Variants in WDR27 observed in about 807,000 individuals in gnomAD.
The protein encoded by WDR27 is WD repeat-containing protein 27.
Under a neutral mutation model 114.4 loss-of-function variants are expected in WDR27, and 100 were observed. The observed-to-expected ratio is 0.87, with a 90% CI of 0.74 to 1.03. The LOEUF (loss-of-function observed/expected upper bound fraction) is 1.03. WDR27 is among the 50% of genes least tolerant of loss of function. The pLI is 0.00. For missense variants in WDR27, 1,129 were observed against 1,092.9 expected (o/e 1.03, Z -0.47); for synonymous variants, 449 against 423.1 (o/e 1.06, Z -0.75).
rs537545889 is a variant in WDR27, at chr6:169,490,748, A to T, written c.2646-33114T>A. Among the ~76,000 whole-genome samples, 144 of 152,342 alleles carry T rather than the reference A, an allele frequency of 9.5e-4. 2 individuals are homozygous for T. The South Asian group carries it at 0.027, about 29-fold the overall frequency. On this transcript the variant is annotated intron_variant, in intron 25 of 25. Coordinates refer to ENST00000448612, the MANE Select transcript of WDR27 (RefSeq NM_182552.5). ...AGCCTCCAGTTCAAACAGGCAGAGA[A>T]TGAAAGACAGTGTACTTCACATAAT...
rs1816815816 is a variant in WDR27, at chr6:169,633,086, G to C, written c.2102-18C>G. On this transcript the variant is annotated intron_variant, in intron 20 of 25. Coordinates refer to ENST00000448612, the MANE Select transcript of WDR27 (RefSeq NM_182552.5). ...TACGATGTCTGCGATAATCCAGTTA[G>C]GGAGCTCTTCTCAACACTCTTACCC... is the stretch of plus-strand genomic sequence containing the variant. 1 of 1,571,692 alleles carries C rather than the reference G, an allele frequency of 6.4e-7. No homozygotes were observed. The highest frequency in any genetic ancestry group is 8.7e-7 in the Non-Finnish European group (1 of 1,148,022).
At chr6:169,627,873 ATCGAATGTCC>A (rs1427194578) in intron 21 of WDR27, among the ~76,000 whole-genome samples, 1 of 152,156 alleles carries the variant, frequency 6.6e-6, no homozygotes, top group Non-Finnish European at 1.5e-5. Flanking sequence ...GTCCTCATCC[ATCGAATGTCC>A]TCGCTGAGCC....
intron 23 of WDR27, among the ~76,000 whole-genome samples, chr6:169,592,998 C>T (rs1235441492): frequency 6.6e-5 from 10 of 152,286 alleles, no homozygotes; most frequent in African/African-American, 2.4e-4. Flanking sequence ...TTGCATTCTA[C>T]GCATAAACCC....
At chr6:169,629,941 A>G (rs926305756) in intron 21 of WDR27, among the ~76,000 whole-genome samples, 1 of 151,752 alleles carries the variant, frequency 6.6e-6, no homozygotes, top group Non-Finnish European at 1.5e-5. Context: ...AAAAAAAAAA[A>G]AAAAAAAAGT....
the WDR27 span, among the ~76,000 whole-genome samples, chr6:169,435,076 GCATAGCTTAGGCCATGACTT>G: frequency 6.6e-6 from 1 of 152,212 alleles, no homozygotes; most frequent in African/African-American, 2.4e-5. Context: ...AGGGTCCAAG[GCATAGCTTAGGCCATGACTT>G]CAGAGGGTGC....
chr6:169,480,424 C>T (rs888990459), intron 25 of WDR27, among the ~76,000 whole-genome samples: 3 of 152,246 alleles, frequency 2.0e-5, no homozygotes, highest in Non-Finnish European at 4.4e-5. Flanking sequence ...GTTAGGTATG[C>T]AGGCGTGCAG....
chr6:169,541,119 T>A, intron 25 of WDR27, among the ~76,000 whole-genome samples: 1 of 145,930 alleles, frequency 6.9e-6, no homozygotes, highest in Non-Finnish European at 1.5e-5. Context: ...TAAGGACCAT[T>A]AAGGAAAGGC....
At chr6:169,655,202 C>T (rs1222291172) in intron 13 of WDR27, among the ~76,000 whole-genome samples, 6 of 152,252 alleles carry the variant, frequency 3.9e-5, no homozygotes, top group Admixed American at 3.9e-4. Context: ...CAGCGACATG[C>T]AGCCATGGCA....
intron 5 of WDR27, 76 bp from the exon 6 acceptor site, chr6:169,667,263 AT>A: frequency 2.2e-6 from 3 of 1,360,606 alleles, no homozygotes; most frequent in Non-Finnish European, 2.8e-6. Flanking sequence ...TAACAGTACT[AT>A]TCACTATCAG....
At position 169,683,172 on chromosome 6, in the gene WDR27, C is replaced by T. The variant is rs559858583; in HGVS notation, c.189+5645G>A. On this transcript the variant is annotated intron_variant, in intron 2 of 25. Coordinates refer to ENST00000448612, the MANE Select transcript of WDR27 (RefSeq NM_182552.5). ...AAGAAATAACAGAAAACTTTCCAAA[C>T]CTGGAGATATAAATATCTACGTACT... 2.0e-5 allele frequency among the ~76,000 whole-genome samples: 3 copies of T among 152,196 alleles called. No individual in the cohort carries two copies. In the East Asian group the frequency reaches 5.8e-4, roughly 29 times the overall value.
At chr6:169,646,934 A>G (rs1202728318) in intron 16 of WDR27, among the ~76,000 whole-genome samples, 1 of 152,176 alleles carries the variant, frequency 6.6e-6, no homozygotes, top group East Asian at 1.9e-4. Flanking sequence ...ATAATAAAAT[A>G]AAGGGAATTT....
At position 169,688,806 on chromosome 6, in the gene WDR27, T is replaced by A. The variant is rs1005412821; in HGVS notation, c.189+11A>T. The A allele has an allele frequency of 6.3e-7, 1 of 1,586,066 alleles. No individual in the cohort carries two copies. The highest frequency in any genetic ancestry group is 8.6e-7 in the Non-Finnish European group (1 of 1,166,232). On this transcript the variant is annotated intron_variant, in intron 2 of 25. Coordinates refer to ENST00000448612, the MANE Select transcript of WDR27 (RefSeq NM_182552.5). ...GCCTTCATGACACTGGACATGTAACTCGTTCAATACCTGATGAGAAGGATC... is the reference window on the plus strand; with the variant it reads ...GCCTTCATGACACTGGACATGTAACACGTTCAATACCTGATGAGAAGGATC...
At chr6:169,529,320 G>T (rs1045839422) in intron 25 of WDR27, among the ~76,000 whole-genome samples, 1 of 142,252 alleles carries the variant, frequency 7.0e-6, no homozygotes, top group South Asian at 2.5e-4. Context: ...TGCGGGGGGG[G>T]GGGGCAGCTA....
chr6:169,464,171 GC>G (rs1785251255), intron 25 of WDR27, among the ~76,000 whole-genome samples: 1 of 152,100 alleles, frequency 6.6e-6, no homozygotes, highest in East Asian at 1.9e-4. Flanking sequence ...GATGTCACTG[GC>G]ATAAAGATCG....
chr6:169,552,203 C>G (rs892743541), intron 25 of WDR27, among the ~76,000 whole-genome samples: 1 of 152,142 alleles, frequency 6.6e-6, no homozygotes, highest in Non-Finnish European at 1.5e-5. Flanking sequence ...CAGCCCACCC[C>G]GACCACACAT....
At chr6:169,599,849 T>A (rs925898465) in intron 23 of WDR27, among the ~76,000 whole-genome samples, 8 of 152,170 alleles carry the variant, frequency 5.3e-5, no homozygotes, top group Non-Finnish European at 7.3e-5. Flanking sequence ...TTAATTGTGA[T>A]GTTAGGGTGT....
In WDR27 at chr6:169,697,936, C is replaced by T. The variant is rs7747525; in HGVS notation, c.-8+3615G>A. ...GTCTTTATTTCTACACTCGTCCCCG[C>T]GCACGGGGAGAGACCCACTGACCCT... On this transcript the variant is annotated intron_variant, in intron 1 of 25. Transcript: ENST00000448612. Among the ~76,000 whole-genome samples, 369 of 152,316 alleles carry T rather than the reference C, an allele frequency of 2.4e-3. 2 individuals carry two copies. The highest frequency in any genetic ancestry group is 7.9e-3 in the African/African-American group (329 of 41,574).
chr6:169,659,365 C>T lies in WDR27; in HGVS notation c.1197+86G>A, dbSNP rs1167918791. The T allele has an allele frequency of 1.3e-6, 2 of 1,583,326 alleles. No homozygotes were observed. Among genetic ancestry groups the T allele is most frequent in the African/African-American group, 2.7e-5 (2 of 74,124 alleles). ...TTTTACACACAAAATCCCGTTTACTCAGCCAGTCGTTACAGGATCACTCTG... is the reference window on the plus strand; with the variant it reads ...TTTTACACACAAAATCCCGTTTACTTAGCCAGTCGTTACAGGATCACTCTG... On this transcript the variant is annotated intron_variant, in intron 11 of 25. Transcript: ENST00000448612. This position sits in a 1 kb window ranked among gnomAD's most constrained non-coding sequence, Gnocchi z 4.3.
chr6:169,616,253 G>C (rs1222370127), intron 21 of WDR27, among the ~76,000 whole-genome samples: 1 of 152,194 alleles, frequency 6.6e-6, no homozygotes, highest in Non-Finnish European at 1.5e-5. Context: ...GTGTTGGGAG[G>C]CCAAGGCGGG....
Sources: gnomAD v4.1 joint callset for allele counts (sites outside exome capture counted in the v4.1 genomes callset) on GRCh38, gnomAD v4.1.1 for gene constraint, Gnocchi (gnomAD v3.1) non-coding constraint, MANE v1.5 for transcripts, NCBI Gene and HGNC (gene_info 2026-07-23, HGNC 2026-07-21) for gene names.